The following SDK1 variants were observed in gnomAD, a reference collection of about 807,000 sequenced individuals.
SDK1 encodes the protein sidekick cell adhesion molecule 1, also known as protein sidekick-1.
A neutral mutation model predicts 245.5 loss-of-function variants in SDK1; 157 were observed. That is an observed-to-expected ratio of 0.64 (90% CI 0.56 to 0.73). SDK1 has a LOEUF of 0.73. Ranked by LOEUF, SDK1 falls within the 30% of genes least tolerant of loss-of-function variation. The pLI is 0.00. For synonymous variants in SDK1, 1,647 were observed against 1,278.5 expected (o/e 1.29, Z -6.15); for missense variants, 3,583 against 3,002.3 (o/e 1.19, Z -4.52).
chr7:3,326,275 A>G (rs1249198080), intron 1 of SDK1, among the ~76,000 whole-genome samples: 11 of 152,192 alleles, frequency 7.2e-5, no homozygotes. Context: ...TACATATGTA[A>G]AAGTGTACAT....
chr7:3,337,240 T>A (rs1780225480), intron 1 of SDK1, among the ~76,000 whole-genome samples: 1 of 151,818 alleles, frequency 6.6e-6, no homozygotes, highest in Non-Finnish European at 1.5e-5. Context: ...CAAAAAGAAA[T>A]GATAGAACTG....
At chr7:3,813,035 A>G (rs1159678616) in intron 4 of SDK1, among the ~76,000 whole-genome samples, 2 of 152,212 alleles carry the variant, frequency 1.3e-5, no homozygotes, top group African/African-American at 2.4e-5. Flanking sequence ...CACTCTGGCG[A>G]CTTAACATGT....
intron 1 of SDK1, among the ~76,000 whole-genome samples, chr7:3,542,834 C>T (rs1490900920): frequency 6.6e-6 from 1 of 152,074 alleles, no homozygotes; most frequent in Non-Finnish European, 1.5e-5. Flanking sequence ...GAAAAAACAT[C>T]AAAGACAAAG....
At chr7:3,958,396 A>G (rs1164360064) in intron 7 of SDK1, 1 of 210,974 alleles carries the variant, frequency 4.7e-6, no homozygotes, top group African/African-American at 2.4e-5. Context: ...TTCCTTTGCT[A>G]CTAAAGATAG....
At chr7:3,875,512 A>G (rs191873012) in intron 5 of SDK1, among the ~76,000 whole-genome samples, 3 of 152,326 alleles carry the variant, frequency 2.0e-5, no homozygotes, top group Admixed American at 6.5e-5. Context: ...CTCCTATGCA[A>G]TCGTGTGTCA....
At chr7:4,193,583 C>A (rs183589378) in intron 35 of SDK1, among the ~76,000 whole-genome samples, 34 of 151,880 alleles carry the variant, frequency 2.2e-4, no homozygotes, top group African/African-American at 7.2e-4. Context: ...TTGCAGAGTC[C>A]CATTCTTTTT....
chr7:4,241,604 C>G (rs1410581329), intron 42 of SDK1, among the ~76,000 whole-genome samples, 189 bp from the exon 43 acceptor site: 3 of 152,210 alleles, frequency 2.0e-5, no homozygotes, highest in African/African-American at 7.2e-5. Context: ...CACTTTGCTC[C>G]AACACTGTGA....
chr7:3,952,719 T>C (rs1780932414), intron 7 of SDK1, among the ~76,000 whole-genome samples: 1 of 151,918 alleles, frequency 6.6e-6, no homozygotes, highest in African/African-American at 2.4e-5. Flanking sequence ...ACAGAGATGC[T>C]TCCTCAAACT....
At chr7:3,475,497 C>CA (rs774363693) in intron 1 of SDK1, among the ~76,000 whole-genome samples, 3 of 152,218 alleles carry the variant, frequency 2.0e-5, no homozygotes, top group African/African-American at 4.8e-5. Flanking sequence ...TCAAGCAGGA[C>CA]AAAGGAGATG....
intron 33 of SDK1, 140 bp from the exon 34 acceptor site, chr7:4,175,635 T>C: frequency 1.3e-6 from 1 of 750,688 alleles, no homozygotes; most frequent in South Asian, 1.5e-5. Context: ...TAGCGGGGTC[T>C]TTATTGCCCC....
At chr7:3,858,537 T>A (rs1780604861) in intron 5 of SDK1, among the ~76,000 whole-genome samples, 2 of 152,034 alleles carry the variant, frequency 1.3e-5, no homozygotes, top group Non-Finnish European at 1.5e-5. Context: ...TGTAGAAAAA[T>A]TTTCAAAAGG....
At chr7:4,093,268 G>C (rs996822369) in intron 22 of SDK1, among the ~76,000 whole-genome samples, 2 of 151,932 alleles carry the variant, frequency 1.3e-5, no homozygotes, top group Non-Finnish European at 2.9e-5. Flanking sequence ...GTTTTCATTT[G>C]CCACTCCTGT....
intron 4 of SDK1, among the ~76,000 whole-genome samples, chr7:3,704,847 CTT>C (rs1236314862): frequency 1.3e-5 from 2 of 152,166 alleles, no homozygotes; most frequent in Non-Finnish European, 2.9e-5. Context: ...CTTTCACCAT[CTT>C]GAGTTGATTT....
rs1374083210 is a variant in SDK1, at chr7:3,366,635, G to A, written c.298+64751G>A. On this transcript the variant is annotated intron_variant, in intron 1 of 44. Transcript: ENST00000404826. The stretch of plus-strand genomic sequence containing the variant: ...GTTTTTATTTACATTTATGGGGATA[G>A]TTGAACATCTTTAAAAACATTTAAA... Among the ~76,000 whole-genome samples, 5 of 152,168 alleles carry A rather than the reference G, an allele frequency of 3.3e-5. No homozygotes were observed. In the East Asian group the frequency reaches 9.6e-4, roughly 29 times the overall value.
At chr7:3,614,066 C>G (rs1041469136) in intron 1 of SDK1, among the ~76,000 whole-genome samples, 1 of 152,120 alleles carries the variant, frequency 6.6e-6, no homozygotes, top group Non-Finnish European at 1.5e-5. Context: ...GTACAACAAA[C>G]CCCCATAGCA....
intron 14 of SDK1, among the ~76,000 whole-genome samples, chr7:3,988,017 A>G (rs892617912): frequency 1.3e-5 from 2 of 151,456 alleles, no homozygotes; most frequent in African/African-American, 4.9e-5. Context: ...GAACATTTGT[A>G]TCCTTCACCC....
At chr7:3,885,205 C>A in intron 5 of SDK1, among the ~76,000 whole-genome samples, 1 of 152,134 alleles carries the variant, frequency 6.6e-6, no homozygotes, top group Admixed American at 6.5e-5. Context: ...CCATGGCAGT[C>A]CCTAGTGGCT....
intron 1 of SDK1, among the ~76,000 whole-genome samples, chr7:3,375,631 G>T (rs1226521697): frequency 6.6e-6 from 1 of 152,126 alleles, no homozygotes; most frequent in African/African-American, 2.4e-5. Flanking sequence ...GCTACCTTTC[G>T]TGAGGACACT....
At chr7:3,376,437 C>T (rs964363357) in intron 1 of SDK1, among the ~76,000 whole-genome samples, 55 of 151,566 alleles carry the variant, frequency 3.6e-4, no homozygotes, top group African/African-American at 1.3e-3. Flanking sequence ...TCGGAGAACT[C>T]TTAAAAATCA....
Sources: allele counts gnomAD v4.1 joint callset (sites outside exome capture counted in the v4.1 genomes callset), GRCh38; gene constraint gnomAD v4.1.1; transcripts MANE v1.5; gene names NCBI Gene and HGNC (gene_info 2026-07-23, HGNC 2026-07-21).